B3GNT2: variants seen among roughly 807,000 people sequenced by gnomAD.
B3GNT2 encodes N-acetyllactosaminide beta-1,3-N-acetylglucosaminyltransferase 2.
B3GNT2 carries 12 observed loss-of-function variants against 27.6 expected under a neutral mutation model. The observed-to-expected ratio is 0.44, with a 90% CI of 0.28 to 0.71. The LOEUF (loss-of-function observed/expected upper bound fraction) is 0.71. B3GNT2 is among the 30% of genes least tolerant of loss of function. The pLI is 0.17. For missense variants in B3GNT2, 413 were observed against 488.5 expected (o/e 0.85, Z 1.46); for synonymous variants, 192 against 189.7 (o/e 1.01, Z -0.10).
intron 1 of B3GNT2, among the ~76,000 whole-genome samples, chr2:62,204,048 C>A (rs978096168): frequency 2.6e-5 from 4 of 152,122 alleles, no homozygotes; most frequent in Non-Finnish European, 4.4e-5. Flanking sequence ...TTTTTTGAGA[C>A]AGAATTTCCC....
chr2:62,203,584 G>A (rs578236318), intron 1 of B3GNT2, among the ~76,000 whole-genome samples: 18 of 152,260 alleles, frequency 1.2e-4, no homozygotes, highest in Non-Finnish European at 2.4e-4. Flanking sequence ...TCAGGAGGGT[G>A]CAAGGACTGC....
At chr2:62,204,641 A>C (rs1674333266) in intron 1 of B3GNT2, among the ~76,000 whole-genome samples, 1 of 152,222 alleles carries the variant, frequency 6.6e-6, no homozygotes, top group African/African-American at 2.4e-5. Context: ...ATGTAACTTT[A>C]TTCTTGAGAT....
rs2104175504 is a variant in B3GNT2, at chr2:62,196,222, C to G, written c.-143C>G. The G allele has an allele frequency of 6.6e-6, 1 of 151,940 alleles. No homozygotes were observed. The highest frequency in any genetic ancestry group is 1.5e-5 in the Non-Finnish European group (1 of 67,948). The allele number at this position is 151,940 out of a possible 1,614,324, so 9.4% of individuals were successfully genotyped here. A position where few individuals can be genotyped will look rare whatever the true frequency, so the allele number is the denominator to read the frequency against. ...CCGCCGACACCGCCGGGCCGCCCGT[C>G]CGGGGCGCCGCGCATGGAGCGTGAG... On this transcript the variant is annotated 5_prime_UTR_variant, in exon 1 of 2. Transcript: ENST00000301998.
intron 1 of B3GNT2, among the ~76,000 whole-genome samples, chr2:62,219,470 T>G (rs1190774247): frequency 6.6e-6 from 1 of 152,180 alleles, no homozygotes; most frequent in Non-Finnish European, 1.5e-5. Flanking sequence ...AGGCAGGGTT[T>G]TGCTGTGTTG....
In B3GNT2 at chr2:62,223,609, G is replaced by A. The variant is rs927779913; in HGVS notation, c.*195G>A. 2 of 551,034 alleles carry A rather than the reference G, an allele frequency of 3.6e-6. No individual in the cohort carries two copies. Among genetic ancestry groups the A allele is most frequent in the African/African-American group, 1.9e-5 (1 of 52,076 alleles). 34.1% of individuals were successfully genotyped at this position (551,034 alleles called of 1,614,324 possible). A position where few individuals can be genotyped will look rare whatever the true frequency, so the allele number is the denominator to read the frequency against. On this transcript the variant is annotated 3_prime_UTR_variant, in exon 2 of 2. Transcript: ENST00000301998. Reference sequence around the variant, plus strand: ...GCGGAAGATGGTAATTTTTTTTTATGGATGATATGGCAGGATGATTGGTTC... The same window carrying A: ...GCGGAAGATGGTAATTTTTTTTTATAGATGATATGGCAGGATGATTGGTTC...
chr2:62,218,262 C>G (rs143053872), intron 1 of B3GNT2, among the ~76,000 whole-genome samples: 1 of 152,194 alleles, frequency 6.6e-6, no homozygotes, highest in Non-Finnish European at 1.5e-5. Context: ...TACTAGAAGC[C>G]GAGTTCTCAT....
chr2:62,204,396 A>G (rs983771670), intron 1 of B3GNT2, among the ~76,000 whole-genome samples: 2 of 152,202 alleles, frequency 1.3e-5, no homozygotes, highest in Non-Finnish European at 2.9e-5. Context: ...GGAATAACAC[A>G]ATTGTGGTGA....
chr2:62,213,505 A>T (rs997682514), intron 1 of B3GNT2, among the ~76,000 whole-genome samples: 2 of 152,130 alleles, frequency 1.3e-5, no homozygotes, highest in African/African-American at 2.4e-5. Flanking sequence ...GCTGCGGAAG[A>T]AGATGGCACC....
chr2:62,214,571 A>T (rs752078333), intron 1 of B3GNT2, among the ~76,000 whole-genome samples: 1 of 152,212 alleles, frequency 6.6e-6, no homozygotes, highest in Non-Finnish European at 1.5e-5. Context: ...GGTGATGCTC[A>T]TGGCATTGAA....
chr2:62,197,756 C>G (rs1019000203), intron 1 of B3GNT2, among the ~76,000 whole-genome samples: 1 of 152,200 alleles, frequency 6.6e-6, no homozygotes, highest in Non-Finnish European at 1.5e-5. Flanking sequence ...GGACCCTGGC[C>G]GAGCCAGTCC....
rs573467284 is a variant in B3GNT2 at position 62,219,927 on chromosome 2, C to T, written c.-9-2285C>T. Among the ~76,000 whole-genome samples the T allele has an allele frequency of 3.9e-5, 6 of 152,138 alleles. No individual in the cohort carries two copies. In the Middle Eastern group the frequency reaches 0.01, roughly 259 times the overall value. On this transcript the variant is annotated intron_variant, in intron 1 of 1. Coordinates refer to ENST00000301998, the MANE Select transcript of B3GNT2 (RefSeq NM_006577.6). ...TTGGGGGGAGTCATGAGTCTCTAGT[C>T]TGGGTGGGGTAAGTCTGAGAAACAT...
intron 1 of B3GNT2, among the ~76,000 whole-genome samples, chr2:62,216,524 G>T (rs560826813): frequency 7.2e-5 from 11 of 152,038 alleles, no homozygotes; most frequent in African/African-American, 2.7e-4. Context: ...TCCCACCTCA[G>T]CCTCCTGAGT....
At chr2:62,209,556 A>G (rs6724002) in intron 1 of B3GNT2, among the ~76,000 whole-genome samples, 1 of 152,084 alleles carries the variant, frequency 6.6e-6, no homozygotes, top group Non-Finnish European at 1.5e-5. Context: ...AGGTGAGAGG[A>G]TCACTTGAGC....
intron 1 of B3GNT2, among the ~76,000 whole-genome samples, chr2:62,206,847 G>A (rs527365488): frequency 6.6e-6 from 1 of 152,332 alleles, no homozygotes; most frequent in African/African-American, 2.4e-5. Flanking sequence ...GCAGTCTGAG[G>A]TTGTAGTACC....
chr2:62,215,522 C>G (rs2104204628), intron 1 of B3GNT2: 1 of 152,472 alleles, frequency 6.6e-6, no homozygotes, highest in East Asian at 1.9e-4. Context: ...TCCCCTAGAG[C>G]CATTTAGCTG....
chr2:62,210,074 A>C (rs900712765), intron 1 of B3GNT2, among the ~76,000 whole-genome samples: 2 of 152,226 alleles, frequency 1.3e-5, no homozygotes, highest in Non-Finnish European at 2.9e-5. Flanking sequence ...TGGAAAGAAA[A>C]AAAAATTCGA....
chr2:62,209,173 T>A (rs1674433777), intron 1 of B3GNT2, among the ~76,000 whole-genome samples: 1 of 152,106 alleles, frequency 6.6e-6, no homozygotes, highest in Non-Finnish European at 1.5e-5. Flanking sequence ...CTCTTCTGTT[T>A]TTATGTTGAT....
chr2:62,208,509 A>G (rs1452210592), intron 1 of B3GNT2, among the ~76,000 whole-genome samples: 3 of 152,138 alleles, frequency 2.0e-5, no homozygotes, highest in Non-Finnish European at 4.4e-5. Context: ...TTGAGATGAC[A>G]CCACGTAATT....
chr2:62,209,521 A>G (rs1370516804), intron 1 of B3GNT2, among the ~76,000 whole-genome samples: 1 of 152,192 alleles, frequency 6.6e-6, no homozygotes, highest in African/African-American at 2.4e-5. Flanking sequence ...GCACACTTGT[A>G]GTCCCAGCTA....
Sources: allele counts gnomAD v4.1 joint callset (sites outside exome capture counted in the v4.1 genomes callset), GRCh38; gene constraint gnomAD v4.1.1; transcripts MANE v1.5; gene names NCBI Gene and HGNC (gene_info 2026-07-23, HGNC 2026-07-21).